BFSP2: variants seen among roughly 807,000 people sequenced by gnomAD.
BFSP2 encodes phakinin.
BFSP2 carries 38 observed loss-of-function variants against 44.9 expected under a neutral mutation model. The observed-to-expected ratio is 0.85, with a 90% CI of 0.65 to 1.11. BFSP2 has a LOEUF of 1.11. Among genes scored for constraint, BFSP2 ranks in the 50% least tolerant of loss-of-function variants. The pLI, the probability that BFSP2 is intolerant of heterozygous loss-of-function variation, is 0.00. For missense variants in BFSP2, 525 were observed against 533.0 expected (o/e 0.99, Z 0.15); for synonymous variants, 197 against 209.9 (o/e 0.94, Z 0.53).
intron 5 of BFSP2, among the ~76,000 whole-genome samples, chr3:133,467,496 C>T (rs954973770): frequency 8.5e-5 from 13 of 152,184 alleles, no homozygotes; most frequent in African/African-American, 2.9e-4. Context: ...TGAGAGTACT[C>T]CTTAATGATT....
At chr3:133,415,016 AC>A (rs1161543786) in intron 1 of BFSP2, among the ~76,000 whole-genome samples, 5 of 62,928 alleles carry the variant, frequency 7.9e-5, no homozygotes, top group Non-Finnish European at 1.5e-4. Context: ...TCCTCTACTC[AC>A]CCCCCTACTC....
chr3:133,410,355 C>A, intron 1 of BFSP2: 1 of 330,494 alleles, frequency 3.0e-6, no homozygotes. Context: ...AGAGACATGA[C>A]TGTGACTCAC....
In BFSP2 at chr3:133,466,809, G is replaced by C; in HGVS notation, c.892-19G>C. 1 of 1,604,776 alleles carries C rather than the reference G, an allele frequency of 6.2e-7. No individual in the cohort carries two copies. Among genetic ancestry groups the C allele is most frequent in the Non-Finnish European group, 8.5e-7 (1 of 1,174,582 alleles). ...ATTTCTGATCATCACCGCTCACACT[G>C]AGACCTGACTCTCCACAGCAACAGG... On this transcript the variant is annotated intron_variant, in intron 4 of 6. Transcript: ENST00000302334.
intron 5 of BFSP2, among the ~76,000 whole-genome samples, chr3:133,471,714 G>C (rs138437253): frequency 2.4e-4 from 36 of 152,300 alleles, no homozygotes; most frequent in African/African-American, 7.9e-4. Context: ...AGCGGGCTCA[G>C]GGTGGGCACT....
intron 1 of BFSP2, among the ~76,000 whole-genome samples, chr3:133,443,483 CAG>C (rs1280198528): frequency 1.3e-5 from 2 of 152,026 alleles, no homozygotes; most frequent in Admixed American, 6.6e-5. Flanking sequence ...GGAGGAAGTC[CAG>C]AGAGAGTGGT....
At chr3:133,437,666 AAG>A (rs962404977) in intron 1 of BFSP2, among the ~76,000 whole-genome samples, 5 of 151,254 alleles carry the variant, frequency 3.3e-5, no homozygotes, top group Non-Finnish European at 7.4e-5. Flanking sequence ...GAAAGAAAGA[AAG>A]AAAGAAAAAG....
At chr3:133,414,535 TTCTACTCACCCC>T (rs1279470542) in intron 1 of BFSP2, among the ~76,000 whole-genome samples, 16 of 17,566 alleles carry the variant, frequency 9.1e-4, no homozygotes, top group African/African-American at 3.7e-3. Flanking sequence ...GCCCTCTCCC[TTCTACTCACCCC>T]TCTACTCACC....
At position 133,454,213 on chromosome 3, in the gene BFSP2, A is replaced by G. The variant is rs536118097; in HGVS notation, c.891+3749A>G. Among the ~76,000 whole-genome samples, 383 of 152,290 alleles carry G rather than the reference A, an allele frequency of 2.5e-3. 1 individual carries two copies. The highest frequency in any genetic ancestry group is 8.6e-3 in the African/African-American group (358 of 41,564). On this transcript the variant is annotated intron_variant, in intron 4 of 6. Transcript: ENST00000302334. ...CATGTGCCTGTAGTCCTAGCTATTC[A>G]GGAGGCTGAGGCAGGAGGATTGCTT... is the stretch of plus-strand genomic sequence containing the variant.
intron 4 of BFSP2, among the ~76,000 whole-genome samples, chr3:133,463,676 C>G (rs1559982701): frequency 6.6e-6 from 1 of 152,236 alleles, no homozygotes; most frequent in South Asian, 2.1e-4. Context: ...ACTTGCCCAA[C>G]TCCTGAGATC....
Position 133,455,223 on chromosome 3 carries a change from C to T in BFSP2, c.891+4759C>T, listed in dbSNP as rs532609715. ...TACTATTGTTAGCAAGTGTTATGCACTGCACATAATTGTATGTGCTAGACT... is the reference window on the plus strand; with the variant it reads ...TACTATTGTTAGCAAGTGTTATGCATTGCACATAATTGTATGTGCTAGACT... On this transcript the variant is annotated intron_variant, in intron 4 of 6. Coordinates refer to ENST00000302334, the MANE Select transcript of BFSP2 (RefSeq NM_003571.4). 8.5e-5 allele frequency: 13 copies of T among 152,378 alleles called. No homozygotes were observed. The South Asian group carries it at 2.1e-3, about 24-fold the overall frequency. 9.4% of individuals were successfully genotyped at this position (152,378 alleles called of 1,614,324 possible).
intron 4 of BFSP2, among the ~76,000 whole-genome samples, chr3:133,458,072 T>C (rs916886975): frequency 2.6e-5 from 4 of 152,362 alleles, no homozygotes; most frequent in Admixed American, 6.5e-5. Context: ...CCAATTGCTC[T>C]CTACAAAGAT....
intron 1 of BFSP2, among the ~76,000 whole-genome samples, chr3:133,440,210 C>T (rs926544449): frequency 2.1e-4 from 17 of 81,580 alleles, no homozygotes; most frequent in African/African-American, 4.9e-4. Flanking sequence ...GAGAATAGCA[C>T]GGGAAAACCT....
intron 4 of BFSP2, among the ~76,000 whole-genome samples, chr3:133,457,330 G>A (rs1273922004): frequency 6.6e-6 from 1 of 152,150 alleles, no homozygotes; most frequent in Non-Finnish European, 1.5e-5. Flanking sequence ...AAAGGGCCCT[G>A]TTTGCTTTTA....
intron 4 of BFSP2, among the ~76,000 whole-genome samples, chr3:133,465,001 CTTTTTT>C (rs71136470): frequency 7.6e-6 from 1 of 132,112 alleles, no homozygotes; most frequent in Admixed American, 7.7e-5. Flanking sequence ...CTTGGGGTTT[CTTTTTT>C]TTTTTTTTTT....
At chr3:133,473,759 G>GAGC (rs2074188933) in intron 6 of BFSP2, among the ~76,000 whole-genome samples, 1 of 151,922 alleles carries the variant, frequency 6.6e-6, no homozygotes, top group African/African-American at 2.4e-5. Flanking sequence ...ATGTTTCAGA[G>GAGC]AGCACAGGGT....
intron 1 of BFSP2, among the ~76,000 whole-genome samples, chr3:133,433,478 G>C (rs537383246): frequency 6.6e-6 from 1 of 152,104 alleles, no homozygotes; most frequent in Middle Eastern, 3.4e-3. Context: ...CATCAAGCTC[G>C]AGGATTTGCC....
Position 133,475,077 on chromosome 3 carries a change from C to T in BFSP2, c.*105C>T. On this transcript the variant is annotated 3_prime_UTR_variant, in exon 7 of 7. Transcript: ENST00000302334. Reference sequence around the variant, plus strand: ...CTGAGCTCCAGTCCCTGCTGGATTCCCTGGTTAATTCAGCTTGAGCTGAAA... The same window carrying T: ...CTGAGCTCCAGTCCCTGCTGGATTCTCTGGTTAATTCAGCTTGAGCTGAAA... 6.7e-7 allele frequency: 1 copy of T among 1,498,000 alleles called. No individual in the cohort carries two copies. The highest frequency in any genetic ancestry group is 9.3e-7 in the Non-Finnish European group (1 of 1,075,142). The allele number at this position is 1,498,000 out of a possible 1,614,324, so 92.8% of individuals were successfully genotyped here.
chr3:133,450,508 G>T, intron 4 of BFSP2, 44 bp downstream of exon 4: 1 of 1,611,664 alleles, frequency 6.2e-7, no homozygotes, highest in Non-Finnish European at 8.5e-7. Context: ...CTATGCAGAA[G>T]GAGGCCACGC....
At chr3:133,458,550 C>T (rs930654414) in intron 4 of BFSP2, among the ~76,000 whole-genome samples, 1 of 152,226 alleles carries the variant, frequency 6.6e-6, no homozygotes. Flanking sequence ...AAAAAATTAG[C>T]CGGGTGTGGT....
Sources: gnomAD v4.1 joint callset for allele counts (sites outside exome capture counted in the v4.1 genomes callset) on GRCh38, gnomAD v4.1.1 for gene constraint, MANE v1.5 for transcripts, NCBI Gene and HGNC (gene_info 2026-07-23, HGNC 2026-07-21) for gene names.